SLC30A9: variants seen among roughly 807,000 people sequenced by gnomAD.
The protein encoded by SLC30A9 is proton-coupled zinc antiporter SLC30A9, mitochondrial.
SLC30A9 carries 58 observed loss-of-function variants against 87.5 expected under a neutral mutation model. The ratio of observed to expected loss-of-function variants is 0.66; its 90% CI spans 0.54 to 0.82. The LOEUF (loss-of-function observed/expected upper bound fraction) is 0.82, where lower values mean the gene tolerates loss of function less well. Among genes scored for constraint, SLC30A9 ranks in the 40% least tolerant of loss-of-function variants. The probability of loss-of-function intolerance (pLI) is 0.00; values close to 1 mark genes in which losing one functional copy is unlikely to be tolerated. For synonymous variants in SLC30A9, 234 were observed against 233.0 expected (o/e 1.00, Z -0.04); for missense variants, 557 against 679.1 (o/e 0.82, Z 2.00).
chr4:42,038,898 A>G (rs1716799741), intron 7 of SLC30A9, 88 bp from the exon 8 acceptor site: 1 of 763,962 alleles, frequency 1.3e-6, no homozygotes, highest in Non-Finnish European at 2.3e-6. Context: ...TTGATAGAGG[A>G]AAATGTTCTG....
intron 9 of SLC30A9, among the ~76,000 whole-genome samples, chr4:42,051,396 A>G (rs547760429): frequency 1.3e-5 from 2 of 152,336 alleles, no homozygotes; most frequent in Admixed American, 6.5e-5. Context: ...AATCGCCAGT[A>G]TAAGAAGCAG....
chr4:42,049,501 A>G (rs1189601892), intron 9 of SLC30A9, 22 bp downstream of exon 9: 2 of 1,306,776 alleles, frequency 1.5e-6, no homozygotes, highest in African/African-American at 1.5e-5. Flanking sequence ...AGCTTTTTTT[A>G]TAAGTCAATT....
chr4:42,065,266 T>A (rs1718035573), intron 11 of SLC30A9, 44 bp from the exon 12 acceptor site: 1 of 955,402 alleles, frequency 1.0e-6, no homozygotes, highest in African/African-American at 1.6e-5. Context: ...CAATTGTGAT[T>A]GGAAGTACTT....
chr4:42,021,891 T>C (rs58697851), intron 4 of SLC30A9, among the ~76,000 whole-genome samples: 2,821 of 31,832 alleles, frequency 0.089, 315 homozygotes, highest in East Asian at 0.68. Flanking sequence ...ACTGGGACTA[T>C]GGCTGTGCGC....
At chr4:42,071,694 AT>A (rs1350535449) in intron 15 of SLC30A9, among the ~76,000 whole-genome samples, 1 of 147,416 alleles carries the variant, frequency 6.8e-6, no homozygotes, top group African/African-American at 2.4e-5. Flanking sequence ...AAAAAAAAAG[AT>A]TAGAAGTTGA....
chr4:42,034,331 G>A (rs1045203007), intron 6 of SLC30A9, among the ~76,000 whole-genome samples: 3 of 152,132 alleles, frequency 2.0e-5, no homozygotes, highest in African/African-American at 7.2e-5. Context: ...GTTCATAAGT[G>A]TGTAAGTATA....
Position 42,089,825 on chromosome 4 carries a change from T to G in SLC30A9, c.*3699T>G, listed in dbSNP as rs980458676. Reference sequence around the variant, plus strand: ...TGAGATAAGATCAGACGGAAAAATTTTCAAATTTTTTCAAAAGCAAAGGTA... The same window carrying G: ...TGAGATAAGATCAGACGGAAAAATTGTCAAATTTTTTCAAAAGCAAAGGTA... On this transcript the variant is annotated 3_prime_UTR_variant, in exon 18 of 18. Coordinates refer to ENST00000264451, the MANE Select transcript of SLC30A9 (RefSeq NM_006345.4). 2.6e-5 allele frequency: 4 copies of G among 152,170 alleles called. No homozygotes were observed. Among genetic ancestry groups the G allele is most frequent in the African/African-American group, 9.7e-5 (4 of 41,416 alleles). The allele number at this position is 152,170 out of a possible 1,614,324, so 9.4% of individuals were successfully genotyped here. A position where few individuals can be genotyped will look rare whatever the true frequency, so the allele number is the denominator to read the frequency against.
chr4:42,075,856 A>ATT, intron 16 of SLC30A9, 70 bp downstream of exon 16: 1 of 1,468,316 alleles, frequency 6.8e-7, no homozygotes, highest in Non-Finnish European at 9.2e-7. Flanking sequence ...ACAAAATGAA[A>ATT]TTTTTTTTTA....
rs189977717 is a variant in SLC30A9 at position 42,068,577 on chromosome 4, A to G, written c.1252+1385A>G. On this transcript the variant is annotated intron_variant, in intron 14 of 17. Transcript: ENST00000264451. ...AACTCTTGTTTGTATCAGTTAGCTTATGGTAAAATTGGTTTTGTTATATGT... is the reference window on the plus strand; with the variant it reads ...AACTCTTGTTTGTATCAGTTAGCTTGTGGTAAAATTGGTTTTGTTATATGT... 2.8e-4 allele frequency among the ~76,000 whole-genome samples: 42 copies of G among 152,314 alleles called. 1 individual carries two copies. Among genetic ancestry groups the G allele is most frequent in the Admixed American group, 2.0e-3 (31 of 15,298 alleles).
At position 42,086,364 on chromosome 4, in the gene SLC30A9, T is replaced by C. The variant is rs1480553114; in HGVS notation, c.*238T>C. 3 of 356,112 alleles carry C rather than the reference T, an allele frequency of 8.4e-6. No individual in the cohort carries two copies. The highest frequency in any genetic ancestry group is 4.0e-5 in the African/African-American group (2 of 50,174). 22.1% of individuals were successfully genotyped at this position (356,112 alleles called of 1,614,324 possible). A position where few individuals can be genotyped will look rare whatever the true frequency, so the allele number is the denominator to read the frequency against. ...AATTTGAAAATCATGTTTTTATGCT[T>C]CCATAGGGAACATTTTGGTTATTTA... On this transcript the variant is annotated 3_prime_UTR_variant, in exon 18 of 18. Coordinates refer to ENST00000264451, the MANE Select transcript of SLC30A9 (RefSeq NM_006345.4).
chr4:42,018,107 ACAG>A lies in SLC30A9; in HGVS notation c.275_277del. ...ATGTAAACTTCTTTTAATAAACTTT[ACAG>A]CAGAAGGTATAGGCACAGAACTCAA... On this transcript the variant is annotated splice_acceptor_variant and splice_polypyrimidine_tract_variant and intron_variant, in intron 2 of 17. Coordinates refer to ENST00000264451, the MANE Select transcript of SLC30A9 (RefSeq NM_006345.4). LOFTEE classifies it high-confidence loss of function. 1.3e-6 allele frequency: 2 copies of A among 1,510,972 alleles called. No individual in the cohort carries two copies. Among genetic ancestry groups the A allele is most frequent in the Admixed American group, 1.8e-5 (1 of 56,914 alleles). The allele number at this position is 1,510,972 out of a possible 1,614,324, so 93.6% of individuals were successfully genotyped here.
intron 11 of SLC30A9, among the ~76,000 whole-genome samples, chr4:42,063,649 A>G (rs1012466857): frequency 3.3e-5 from 5 of 152,150 alleles, no homozygotes; most frequent in Non-Finnish European, 7.3e-5. Flanking sequence ...TTCCCTGGAA[A>G]GTGTTGAGGG....
At chr4:42,062,051 G>A (rs1717877060) in intron 10 of SLC30A9, among the ~76,000 whole-genome samples, 1 of 151,954 alleles carries the variant, frequency 6.6e-6, no homozygotes, top group South Asian at 2.1e-4. Context: ...AAAATTAGCT[G>A]GGTGTGGTGG....
chr4:42,076,945 G>A (rs1390451692), intron 16 of SLC30A9, among the ~76,000 whole-genome samples: 2 of 133,052 alleles, frequency 1.5e-5, no homozygotes, highest in East Asian at 4.5e-4. Context: ...CTGGGCGACA[G>A]AGCGAGACTC....
intron 2 of SLC30A9, among the ~76,000 whole-genome samples, chr4:42,011,586 T>C (rs1379014175): frequency 4.6e-5 from 7 of 152,202 alleles, no homozygotes; most frequent in Non-Finnish European, 2.9e-5. Context: ...TGAAAGGATA[T>C]ACCCTATTCA....
Position 42,088,005 on chromosome 4 carries a change from G to T in SLC30A9, c.*1879G>T, listed in dbSNP as rs1458902090. 2 of 145,682 alleles carry T rather than the reference G, an allele frequency of 1.4e-5. No individual in the cohort carries two copies. Among genetic ancestry groups the T allele is most frequent in the Admixed American group, 6.8e-5 (1 of 14,680 alleles). The allele number at this position is 145,682 out of a possible 1,614,324, so 9.0% of individuals were successfully genotyped here. ...TCCAAATGGTAATTTTTTTTTTTTA[G>T]GATTCCCTAATAAAAAAAAAAAAAA... On this transcript the variant is annotated 3_prime_UTR_variant, in exon 18 of 18. Coordinates refer to ENST00000264451, the MANE Select transcript of SLC30A9 (RefSeq NM_006345.4).
rs752865478 is a variant in SLC30A9 at position 42,086,140 on chromosome 4, A to C, written c.*14A>C. 5 of 1,494,820 alleles carry C rather than the reference A, an allele frequency of 3.3e-6. No homozygotes were observed. In the Admixed American group the frequency reaches 8.9e-5, roughly 27 times the overall value. 92.6% of individuals were successfully genotyped at this position (1,494,820 alleles called of 1,614,324 possible). A position where few individuals can be genotyped will look rare whatever the true frequency, so the allele number is the denominator to read the frequency against. ...GAGATACTGTGAGTTTGATGGAATG[A>C]ATCACCTGGGTGGGGACCTTGGAAA... On this transcript the variant is annotated 3_prime_UTR_variant, in exon 18 of 18. Transcript: ENST00000264451.
At chr4:42,018,551 T>G in intron 3 of SLC30A9, 5 of 599,428 alleles carry the variant, frequency 8.3e-6, no homozygotes, top group Non-Finnish European at 1.2e-5. Flanking sequence ...TAGGAGAAAT[T>G]GAAGGAATTC....
intron 17 of SLC30A9, among the ~76,000 whole-genome samples, chr4:42,082,567 G>A (rs1160655362): frequency 2.6e-5 from 4 of 152,186 alleles, no homozygotes; most frequent in Non-Finnish European, 5.9e-5. Context: ...AGAACTTGTG[G>A]CTGGGCGCAG....
Sources: gnomAD v4.1 joint callset for allele counts (sites outside exome capture counted in the v4.1 genomes callset) on GRCh38, gnomAD v4.1.1 for gene constraint, MANE v1.5 for transcripts, NCBI Gene and HGNC (gene_info 2026-07-23, HGNC 2026-07-21) for gene names.